Variants in GBF1 observed in about 807,000 individuals in gnomAD.
The protein encoded by GBF1 is golgi brefeldin A resistant guanine nucleotide exchange factor 1, also known as Golgi-specific brefeldin A-resistance guanine nucleotide exchange factor 1.
A neutral mutation model predicts 210.5 loss-of-function variants in GBF1; 114 were observed. The observed-to-expected ratio is 0.54, with a 90% CI of 0.47 to 0.63. The LOEUF (loss-of-function observed/expected upper bound fraction) is 0.63, where lower values mean the gene tolerates loss of function less well. GBF1 is among the 30% of genes least tolerant of loss of function. The pLI is 0.00. For missense variants in GBF1, 1,851 were observed against 2,357.7 expected, an observed-to-expected ratio of 0.79 and a Z score of 4.45; for synonymous variants, 850 against 889.2, an observed-to-expected ratio of 0.96 and a Z score of 0.78.
At chr10:102,285,239 A>G (rs2075838388) in intron 3 of GBF1, among the ~76,000 whole-genome samples, 1 of 152,178 alleles carries the variant, frequency 6.6e-6, no homozygotes, top group Non-Finnish European at 1.5e-5. Flanking sequence ...AGATGATGGT[A>G]TTTCTGGTTT....
chr10:102,380,794 G>T, intron 38 of GBF1, 108 bp downstream of exon 38: 2 of 949,218 alleles, frequency 2.1e-6, no homozygotes, highest in South Asian at 3.2e-5. Flanking sequence ...GATCACCCGA[G>T]GGCAGGAATT....
Position 102,375,522 on chromosome 10 carries a change from G to A in GBF1, c.3824G>A (p.Gly1275Asp). 1.2e-6 allele frequency: 2 copies of A among 1,614,014 alleles called. No homozygotes were observed. The highest frequency in any genetic ancestry group is 1.7e-6 in the Non-Finnish European group (2 of 1,179,902). The change falls in exon 30 of 40, where the codon GGC (glycine) becomes GAC (aspartate). Residue 1275 changes from glycine to aspartate, a missense_variant. Around this residue, in one of 3 missense-constraint regions of GBF1, gnomAD observed 967 missense variants for 1,247.7 expected, o/e 0.78. Coordinates refer to ENST00000369983, the MANE Select transcript of GBF1 (RefSeq NM_001377137.1). ...CTCTTCACACTGCTGGAGTGCATCG[G>A]CTCAGGTGTGAAGCCTCCAGCTGCT... ...ATLFTLLECI[G>D]SGVKPPAALQ...
At chr10:102,308,896 AAAG>A (rs1347119774) in intron 3 of GBF1, among the ~76,000 whole-genome samples, 3 of 152,120 alleles carry the variant, frequency 2.0e-5, no homozygotes, top group African/African-American at 4.8e-5. Flanking sequence ...TTAAAAAAAA[AAAG>A]AAGCCAAACC....
At chr10:102,251,089 T>C (rs2133905345) in intron 1 of GBF1, among the ~76,000 whole-genome samples, 1 of 151,612 alleles carries the variant, frequency 6.6e-6, no homozygotes, top group South Asian at 2.1e-4. Context: ...ATATGAAGAA[T>C]TGACAGTTAC....
chr10:102,317,233 C>A (rs1383565180), intron 3 of GBF1, among the ~76,000 whole-genome samples: 1 of 152,122 alleles, frequency 6.6e-6, no homozygotes. Flanking sequence ...AAGTCCAAGT[C>A]TAGCCTGGGC....
the GBF1 span, among the ~76,000 whole-genome samples, chr10:102,236,454 C>T: frequency 6.6e-6 from 1 of 152,184 alleles, no homozygotes; most frequent in Non-Finnish European, 1.5e-5. Flanking sequence ...ATGTGTGGCC[C>T]AGTCCCACTG....
intron 14 of GBF1, 92 bp from the exon 15 acceptor site, chr10:102,362,383 C>G (rs2059668364): frequency 1.1e-6 from 1 of 930,326 alleles, no homozygotes. Flanking sequence ...GGGCAATGTA[C>G]AAGTTAGAAG....
chr10:102,252,758 G>T (rs980477796), intron 1 of GBF1, among the ~76,000 whole-genome samples: 3 of 151,272 alleles, frequency 2.0e-5, no homozygotes, highest in African/African-American at 4.9e-5. Flanking sequence ...GAGGTGGGAG[G>T]ATCGCTTGAG....
chr10:102,379,254 C>T (rs1240726152), intron 33 of GBF1, 30 bp from the exon 34 acceptor site: 2 of 1,604,436 alleles, frequency 1.2e-6, no homozygotes, highest in African/African-American at 1.3e-5. Flanking sequence ...CCTAACCCCA[C>T]TCACATCCTG....
At chr10:102,307,075 ATTCTATTCAGAGACTATCCAGAATT>A (rs1282533340) in intron 3 of GBF1, among the ~76,000 whole-genome samples, 1 of 152,236 alleles carries the variant, frequency 6.6e-6, no homozygotes, top group Non-Finnish European at 1.5e-5. Flanking sequence ...GTGGAAAAGG[ATTCTATTCAGAGACTATCCAGAATT>A]TCCATTTACT....
the GBF1 span, among the ~76,000 whole-genome samples, chr10:102,237,646 G>C: frequency 6.6e-6 from 1 of 152,144 alleles, no homozygotes; most frequent in African/African-American, 2.4e-5. Context: ...AGCATGACCT[G>C]AAACAGCTGC....
At position 102,296,902 on chromosome 10, in the gene GBF1, G is replaced by A. The variant is rs1034908932; in HGVS notation, c.163+36786G>A. Among the ~76,000 whole-genome samples the A allele has an allele frequency of 7.9e-5, 12 of 151,716 alleles. No individual in the cohort carries two copies. The East Asian group carries it at 1.2e-3, about 15-fold the overall frequency. ...TCTACTAAAAATACAAAAATTAGCT[G>A]GACCTGGTGGCGCGTGCCTATAATT... On this transcript the variant is annotated intron_variant, in intron 3 of 39. Coordinates refer to ENST00000369983, the MANE Select transcript of GBF1 (RefSeq NM_001377137.1).
chr10:102,363,045 A>G lies in GBF1; in HGVS notation c.1877-211A>G, dbSNP rs1014771237. 3.3e-5 allele frequency among the ~76,000 whole-genome samples: 5 copies of G among 152,300 alleles called. No homozygotes were observed. The highest frequency in any genetic ancestry group is 2.6e-4 in the Admixed American group (4 of 15,302). On this transcript the variant is annotated intron_variant, in intron 15 of 39. Coordinates refer to ENST00000369983, the MANE Select transcript of GBF1 (RefSeq NM_001377137.1). This position sits in a 1 kb window ranked among gnomAD's most constrained non-coding sequence, Gnocchi z 4.2. ...AATTTGAGGTTGCAGAAGATCAGGG[A>G]AAGTGACTGGGTAATCTCTTCATTA...
At chr10:102,379,064 G>GCT (rs1270794828) in intron 33 of GBF1, among the ~76,000 whole-genome samples, 7 of 152,104 alleles carry the variant, frequency 4.6e-5, no homozygotes, top group Admixed American at 4.6e-4. Context: ...ACCTCCTAAG[G>GCT]CTCTCTCTCT....
In GBF1 at chr10:102,366,897, A is replaced by G. The variant is rs780953299; in HGVS notation, c.2434-188A>G. ...CACCGCACCCAGCCTGCTGTCTCTT[A>G]AAAAGTCAGAGAGCAAAATTAGTGA... On this transcript the variant is annotated intron_variant, in intron 19 of 39. Transcript: ENST00000369983. This position sits in a 1 kb window ranked among gnomAD's most constrained non-coding sequence, Gnocchi z 4.0. Among the ~76,000 whole-genome samples the G allele has an allele frequency of 1.3e-5, 2 of 152,128 alleles. No individual in the cohort carries two copies. The highest frequency in any genetic ancestry group is 2.1e-4 in the South Asian group (1 of 4,816).
intron 3 of GBF1, among the ~76,000 whole-genome samples, chr10:102,340,332 G>T (rs2058091554): frequency 6.8e-6 from 1 of 147,732 alleles, no homozygotes; most frequent in Non-Finnish European, 1.5e-5. Flanking sequence ...GAGTGCAGTG[G>T]CACGATCTCC....
rs2059911005 is a variant in GBF1, at chr10:102,366,354, C to T, written c.2310-29C>T. The T allele has an allele frequency of 6.2e-7, 1 of 1,613,290 alleles. No homozygotes were observed. Among genetic ancestry groups the T allele is most frequent in the East Asian group, 2.2e-5 (1 of 44,842 alleles). ...CTGACATGTGCAGCTTACACATTTT[C>T]AGCCTCTTCTTCCTTTCTTTCCCTA... On this transcript the variant is annotated intron_variant, in intron 18 of 39. Transcript: ENST00000369983. The surrounding 1 kb of genome is among the most constrained non-coding windows in gnomAD (Gnocchi z 4.0).
intron 3 of GBF1, among the ~76,000 whole-genome samples, chr10:102,324,590 C>CT (rs959817280): frequency 3.0e-4 from 45 of 149,062 alleles, no homozygotes; most frequent in African/African-American, 8.3e-4. Context: ...GTTACTTGAT[C>CT]TTTTTTTTTT....
chr10:102,303,716 A>C (rs528288208), intron 3 of GBF1, among the ~76,000 whole-genome samples: 10 of 152,220 alleles, frequency 6.6e-5, no homozygotes, highest in Non-Finnish European at 1.0e-4. Context: ...CAAAAATTTA[A>C]TCCGACTTTC....
Sources: gnomAD v4.1 joint callset for allele counts (sites outside exome capture counted in the v4.1 genomes callset) on GRCh38, gnomAD v4.1.1 for gene constraint, gnomAD v4.1.1 regional missense constraint, Gnocchi (gnomAD v3.1) non-coding constraint, MANE v1.5 for transcripts, NCBI Gene and HGNC (gene_info 2026-07-23, HGNC 2026-07-21) for gene names.